The following HCN2 variants were observed in gnomAD, a reference collection of about 807,000 sequenced individuals.
The protein encoded by HCN2 is potassium/sodium hyperpolarization-activated cyclic nucleotide-gated channel 2.
Under a neutral mutation model 52.3 loss-of-function variants are expected in HCN2, and 20 were observed. The ratio of observed to expected loss-of-function variants is 0.38; its 90% CI spans 0.27 to 0.56. The LOEUF (loss-of-function observed/expected upper bound fraction) is 0.56. Among genes scored for constraint, HCN2 ranks in the 20% least tolerant of loss-of-function variants. HCN2 has a pLI of 0.71. For missense variants in HCN2, 981 were observed against 1,207.7 expected, an observed-to-expected ratio of 0.81 and a Z score of 2.78; for synonymous variants, 694 against 537.0, an observed-to-expected ratio of 1.29 and a Z score of -4.04.
intron 5 of HCN2, among the ~76,000 whole-genome samples, chr19:612,015 G>C (rs1022621565): frequency 5.3e-5 from 8 of 152,074 alleles, no homozygotes; most frequent in Non-Finnish European, 1.5e-5. Flanking sequence ...CGTGGTGGTG[G>C]GCGCCTGTAA....
chr19:603,926 C>T lies in HCN2; in HGVS notation c.1015C>T (p.Arg339Cys), dbSNP rs1210398175. ...TKILSLLRLL[R>C]LSRLIRYIHQ... ...GATCCTCAGCCTCCTGCGGCTGCTG[C>T]GCCTCTCACGCCTGATCCGCTACAT... The change falls in exon 2 of 8, where the codon CGC becomes TGC. Residue 339 changes from arginine (R) to cysteine (C), a missense_variant. Coordinates refer to ENST00000251287, the MANE Select transcript of HCN2 (RefSeq NM_001194.4). 6.2e-7 allele frequency: 1 copy of T among 1,610,018 alleles called. No individual in the cohort carries two copies. Among genetic ancestry groups the T allele is most frequent in the Non-Finnish European group, 8.5e-7 (1 of 1,179,514 alleles).
rs527874267 is a variant in HCN2 at position 610,592 on chromosome 19, G to A, written c.1584+187G>A. Among the ~76,000 whole-genome samples the A allele has an allele frequency of 4.2e-4, 64 of 152,204 alleles. No homozygotes were observed. The East Asian group carries it at 9.3e-3, about 22-fold the overall frequency. On this transcript the variant is annotated intron_variant, in intron 5 of 7. Coordinates refer to ENST00000251287, the MANE Select transcript of HCN2 (RefSeq NM_001194.4). ...GAGCCTCTGCACCCCCAGGACCCCC[G>A]CCACCCCCGCCTTGCTTCCCGCTGC...
At chr19:596,751 G>A (rs1181193169) in intron 1 of HCN2, among the ~76,000 whole-genome samples, 2 of 152,158 alleles carry the variant, frequency 1.3e-5, no homozygotes, top group Non-Finnish European at 2.9e-5. Context: ...CAGAGTGTGA[G>A]GGGGAGTGGG....
In HCN2 at chr19:613,504, GC is replaced by G; in HGVS notation, c.1825+17del. The stretch of plus-strand genomic sequence containing the variant: ...TACTTCGGGGGTGAGCTTGAGGGGG[GC>G]GCGCCTGGAGGGGGAGGGGGCACGC... On this transcript the variant is annotated intron_variant, in intron 6 of 7. Transcript: ENST00000251287. 6.4e-7 allele frequency: 1 copy of G among 1,555,752 alleles called. No homozygotes were observed. The highest frequency in any genetic ancestry group is 8.8e-7 in the Non-Finnish European group (1 of 1,137,780).
chr19:596,412 C>A (rs545606058), intron 1 of HCN2, among the ~76,000 whole-genome samples: 1 of 152,126 alleles, frequency 6.6e-6, no homozygotes, highest in Non-Finnish European at 1.5e-5. Flanking sequence ...GAGCTGAGGC[C>A]GGAAGGTTTC....
At position 608,062 on chromosome 19, in the gene HCN2, G is replaced by C; in HGVS notation, c.1317G>C (p.Thr439=). 1.9e-6 allele frequency: 3 copies of C among 1,613,084 alleles called. No individual in the cohort carries two copies. Among genetic ancestry groups the C allele is most frequent in the Non-Finnish European group, 2.5e-6 (3 of 1,180,018 alleles). The change falls in exon 4 of 8, where the codon ACG becomes ACC. Residue 439 remains threonine (T), a synonymous_variant. Transcript: ENST00000251287. ...GYGRQAPESM[T]DIWLTMLSMI... ...GCCGGCAGGCGCCCGAGAGCATGAC[G>C]GACATCTGGCTGACCATGCTCAGCA...
chr19:611,935 C>T (rs1983653720), intron 5 of HCN2, among the ~76,000 whole-genome samples: 1 of 152,152 alleles, frequency 6.6e-6, no homozygotes, highest in South Asian at 2.1e-4. Context: ...CACCTGAGGT[C>T]AGGAGTTCGA....
rs1600542457 is a variant in HCN2 at position 615,808 on chromosome 19, C to T, written c.2004C>T (p.Ser668=). 1.2e-6 allele frequency: 2 copies of T among 1,611,938 alleles called. No homozygotes were observed. The highest frequency in any genetic ancestry group is 1.7e-6 in the Non-Finnish European group (2 of 1,179,632). ...DRLDRIGKKN[S]ILLHKVQHDL... is the part of the protein sequence containing the mutation. ...CCTCTCCCGCAGGCAAGAAGAATTC[C>T]ATCCTCCTGCACAAGGTGCAGCATG... is the stretch of plus-strand genomic sequence containing the variant. Residue 668 remains serine, a synonymous_variant, in exon 8 of 8, where the codon TCC becomes TCT. Transcript: ENST00000251287.
chr19:599,362 C>T (rs1205241529), intron 1 of HCN2, among the ~76,000 whole-genome samples: 1 of 152,200 alleles, frequency 6.6e-6, no homozygotes, highest in Non-Finnish European at 1.5e-5. Context: ...CAGCGATGAG[C>T]TCCCAGGTTT....
intron 2 of HCN2, among the ~76,000 whole-genome samples, chr19:604,338 GGCTATGAGGGTGCAGGGGTGGA>G (rs1196371945): frequency 6.6e-6 from 1 of 150,626 alleles, no homozygotes; most frequent in Non-Finnish European, 1.5e-5. Flanking sequence ...CCAGGGGTGG[GGCTATGAGGGTGCAGGGGTGGA>G]GCTACAATGG....
At chr19:610,771 G>T (rs1006158306) in intron 5 of HCN2, among the ~76,000 whole-genome samples, 1 of 152,158 alleles carries the variant, frequency 6.6e-6, no homozygotes, top group African/African-American at 2.4e-5. Context: ...GCTCTGTTCC[G>T]GTAGCCTGAG....
intron 1 of HCN2, among the ~76,000 whole-genome samples, chr19:596,224 A>C (rs1983025421): frequency 6.6e-6 from 1 of 152,222 alleles, no homozygotes; most frequent in Non-Finnish European, 1.5e-5. Context: ...CTGGGTTCCC[A>C]TCCCACTGTT....
Position 616,401 on chromosome 19 carries a change from CG to C in HCN2, c.2599del (p.Ala867ProfsTer60). On this transcript the variant is annotated frameshift_variant, in exon 8 of 8. Transcript: ENST00000251287. LOFTEE classifies it low-confidence loss of function (END_TRUNC). ...AAAPSPDRRD[S>X]ASPGAAGGLD... The stretch of plus-strand genomic sequence containing the variant: ...GCGCCCAGCCCGGACCGCAGGGACT[CG>C]GCCTCACCCGGCGCCGCCGGCGGCC... 8.1e-7 allele frequency: 1 copy of C among 1,233,574 alleles called. No individual in the cohort carries two copies. The allele number at this position is 1,233,574 out of a possible 1,614,324, so 76.4% of individuals were successfully genotyped here.
chr19:604,738 T>TCCAGCAGCCAGGGCGGGACA (rs1983352295), intron 2 of HCN2, among the ~76,000 whole-genome samples: 1 of 80,458 alleles, frequency 1.2e-5, no homozygotes, highest in Non-Finnish European at 2.3e-5. Context: ...GGGGTGGGGA[T>TCCAGCAGCCAGGGCGGGACA]ATGAGGGTTG....
chr19:615,235 C>G (rs1041204787), intron 7 of HCN2, among the ~76,000 whole-genome samples: 1 of 149,598 alleles, frequency 6.7e-6, no homozygotes, highest in Non-Finnish European at 1.5e-5. Context: ...TACTGCCAGG[C>G]GCGGTGGCTC....
intron 1 of HCN2, 64 bp from the exon 2 acceptor site, chr19:603,480 G>C: frequency 7.4e-7 from 1 of 1,354,850 alleles, no homozygotes. Flanking sequence ...AAGAGTGCCC[G>C]GGGCTGGTCC....
chr19:608,520 C>T (rs1600530539), intron 4 of HCN2, among the ~76,000 whole-genome samples: 1 of 151,974 alleles, frequency 6.6e-6, no homozygotes, highest in Non-Finnish European at 1.5e-5. Context: ...GGAGAAACGG[C>T]CGGTGGTGAG....
intron 1 of HCN2, among the ~76,000 whole-genome samples, chr19:594,186 C>T (rs996453937): frequency 5.5e-5 from 8 of 146,354 alleles, no homozygotes; most frequent in Non-Finnish European, 1.0e-4. Flanking sequence ...TCGCGTTCTC[C>T]GAAGCTTGCT....
chr19:613,211 G>T lies in HCN2; in HGVS notation c.1585-37G>T, dbSNP rs779296576. On this transcript the variant is annotated intron_variant, in intron 5 of 7. Transcript: ENST00000251287. ...CAGGGCGAGGGGGAAGCGGGAGTGGGGTCCGCAGCGGACCCAGCCCTGCCT... is the reference window on the plus strand; with the variant it reads ...CAGGGCGAGGGGGAAGCGGGAGTGGTGTCCGCAGCGGACCCAGCCCTGCCT... 4 of 1,576,324 alleles carry T rather than the reference G, an allele frequency of 2.5e-6. No individual in the cohort carries two copies. The African/African-American group carries it at 5.4e-5, about 21-fold the overall frequency.
Sources: allele counts gnomAD v4.1 joint callset (sites outside exome capture counted in the v4.1 genomes callset), GRCh38; gene constraint gnomAD v4.1.1; transcripts MANE v1.5; gene names NCBI Gene and HGNC (gene_info 2026-07-23, HGNC 2026-07-21).